EYS: variants seen among roughly 807,000 people sequenced by gnomAD.
The protein encoded by EYS is protein eyes shut homolog.
In EYS, 250 loss-of-function variants were observed where a neutral mutation model predicts 282.1. That is an observed-to-expected ratio of 0.89 (90% CI 0.80 to 0.98). EYS has a LOEUF of 0.98. EYS is among the 50% of genes least tolerant of loss of function. EYS has a pLI of 0.00. For missense variants in EYS, 4,016 were observed against 3,709.0 expected (o/e 1.08, Z -2.15); for synonymous variants, 1,355 against 1,282.9 (o/e 1.06, Z -1.20).
intron 13 of EYS, among the ~76,000 whole-genome samples, chr6:65,009,204 C>G (rs1439094276): frequency 6.6e-6 from 1 of 152,002 alleles, no homozygotes; most frequent in African/African-American, 2.4e-5. Flanking sequence ...ACCTCCTTTC[C>G]CTACCAAAGG....
chr6:65,332,562 C>T, intron 11 of EYS: 1 of 630,398 alleles, frequency 1.6e-6, no homozygotes, highest in Non-Finnish European at 2.7e-6. Context: ...GTTTATAGTG[C>T]TATATAGAGG....
chr6:63,874,511 G>T (rs1772910073), intron 35 of EYS, among the ~76,000 whole-genome samples: 1 of 152,088 alleles, frequency 6.6e-6, no homozygotes, highest in Non-Finnish European at 1.5e-5. Flanking sequence ...CTTTAAAGTA[G>T]TTTTTTTCCA....
chr6:65,016,098 T>C (rs1772039844), intron 13 of EYS, among the ~76,000 whole-genome samples: 1 of 148,050 alleles, frequency 6.8e-6, no homozygotes, highest in Non-Finnish European at 1.5e-5. Context: ...GCGCCATGGC[T>C]CACACCTGTA....
chr6:63,855,779 T>C (rs1249594381), intron 36 of EYS, among the ~76,000 whole-genome samples: 1 of 152,194 alleles, frequency 6.6e-6, no homozygotes, highest in Non-Finnish European at 1.5e-5. Context: ...ATGGGGGCTA[T>C]TGGGTTAGCT....
At chr6:64,733,561 A>G (rs1772051434) in intron 22 of EYS, 2 of 166,270 alleles carry the variant, frequency 1.2e-5, no homozygotes. Flanking sequence ...ATGACAATGC[A>G]GTGGGACATG....
intron 35 of EYS, among the ~76,000 whole-genome samples, chr6:63,948,155 T>C (rs897342086): frequency 6.6e-6 from 1 of 152,204 alleles, no homozygotes; most frequent in Non-Finnish European, 1.5e-5. Context: ...GCTTTTATAT[T>C]GTATTAGAGC....
intron 22 of EYS, among the ~76,000 whole-genome samples, chr6:64,766,683 T>TAA (rs1562180058): frequency 2.7e-5 from 3 of 111,292 alleles, no homozygotes; most frequent in African/African-American, 1.0e-4. Context: ...TATATATATA[T>TAA]AAAATCTAAC....
At chr6:65,163,951 G>C (rs1028977544) in intron 12 of EYS, among the ~76,000 whole-genome samples, 1 of 151,172 alleles carries the variant, frequency 6.6e-6, no homozygotes, top group East Asian at 2.0e-4. Flanking sequence ...AAGTTTGCCT[G>C]GTTCTTATCA....
At chr6:64,043,187 T>C (rs1582190235) in intron 33 of EYS, among the ~76,000 whole-genome samples, 1 of 152,340 alleles carries the variant, frequency 6.6e-6, no homozygotes, top group East Asian at 1.9e-4. Flanking sequence ...CATTTTCACC[T>C]AATAATTTGT....
At chr6:64,078,273 C>G (rs1218685760) in intron 32 of EYS, among the ~76,000 whole-genome samples, 1 of 151,996 alleles carries the variant, frequency 6.6e-6, no homozygotes, top group African/African-American at 2.4e-5. Flanking sequence ...GCAACTCAAA[C>G]AAAATCAACA....
chr6:64,468,559 A>G (rs1775997687), intron 26 of EYS, among the ~76,000 whole-genome samples: 1 of 152,156 alleles, frequency 6.6e-6, no homozygotes. Context: ...GCAAAGGTAA[A>G]TTGCATGTCA....
chr6:63,748,066 T>A (rs749744885), intron 41 of EYS, among the ~76,000 whole-genome samples: 5 of 152,246 alleles, frequency 3.3e-5, no homozygotes, highest in Non-Finnish European at 7.3e-5. Flanking sequence ...TAATTTGGTA[T>A]GTTTTTGCAG....
chr6:64,211,328 A>T (rs1765758882), intron 31 of EYS, among the ~76,000 whole-genome samples: 1 of 152,200 alleles, frequency 6.6e-6, no homozygotes, highest in South Asian at 2.1e-4. Context: ...AATCTGAAGG[A>T]TCAAAAGACA....
At chr6:63,740,020 A>G (rs1769032942) in intron 41 of EYS, among the ~76,000 whole-genome samples, 1 of 152,084 alleles carries the variant, frequency 6.6e-6, no homozygotes, top group South Asian at 2.1e-4. Flanking sequence ...TTTCTTATTT[A>G]TAGCACTTAA....
chr6:63,829,145 G>A (rs958714410), intron 36 of EYS, among the ~76,000 whole-genome samples: 14 of 152,144 alleles, frequency 9.2e-5, no homozygotes, highest in East Asian at 1.9e-4. Context: ...GCTCCAGTCC[G>A]CACCTCTCAG....
intron 8 of EYS, among the ~76,000 whole-genome samples, chr6:65,376,475 G>A (rs145035858): frequency 5.8e-4 from 89 of 152,192 alleles, no homozygotes; most frequent in African/African-American, 2.1e-3. Flanking sequence ...CAACTAATGT[G>A]CAAAATGACC....
chr6:63,879,087 G>A (rs1773059839), intron 35 of EYS, among the ~76,000 whole-genome samples: 1 of 152,056 alleles, frequency 6.6e-6, no homozygotes, highest in Non-Finnish European at 1.5e-5. Flanking sequence ...TTGTCCATCT[G>A]GGAACCTCCC....
chr6:65,144,919 C>T (rs7768341), intron 12 of EYS, among the ~76,000 whole-genome samples: 18,289 of 151,632 alleles, frequency 0.12, 1,440 homozygotes, highest in African/African-American at 0.22. Context: ...ATAGGCATGC[C>T]CCATCTCATT....
chr6:64,796,131 C>A (rs947649033), intron 22 of EYS, among the ~76,000 whole-genome samples: 8 of 152,174 alleles, frequency 5.3e-5, no homozygotes, highest in African/African-American at 1.7e-4. Flanking sequence ...TGAAAGAAGA[C>A]AATGCTTCTG....
Sources: allele counts gnomAD v4.1 joint callset (sites outside exome capture counted in the v4.1 genomes callset), GRCh38; gene constraint gnomAD v4.1.1; transcripts MANE v1.5; gene names NCBI Gene and HGNC (gene_info 2026-07-23, HGNC 2026-07-21).